The following ROS1 variants were observed in gnomAD, a reference collection of about 807,000 sequenced individuals.
ROS1 encodes ROS proto-oncogene 1, receptor tyrosine kinase, also known as proto-oncogene tyrosine-protein kinase ROS.
In ROS1, 263 loss-of-function variants were observed where a neutral mutation model predicts 273.5. The observed-to-expected ratio is 0.96, with a 90% CI of 0.87 to 1.06. The LOEUF is 1.06. Among genes scored for constraint, ROS1 ranks in the 50% least tolerant of loss-of-function variants. The pLI is 0.00. For missense variants in ROS1, 2,833 were observed against 2,751.1 expected (o/e 1.03, Z -0.67); for synonymous variants, 1,008 against 954.1 (o/e 1.06, Z -1.04).
chr6:117,418,503 G>A lies in ROS1; in HGVS notation c.127C>T (p.Gln43Ter). 1 of 1,599,824 alleles carries A rather than the reference G, an allele frequency of 6.3e-7. No individual in the cohort carries two copies. The highest frequency in any genetic ancestry group is 8.5e-7 in the Non-Finnish European group (1 of 1,174,848). ...TGTGGTGTGCCAAGGTCAAGCTGCT[G>A]GCCCTGAAATGAAGAAGGAGGTAGT... Reference protein sequence around the residue: ...CLKSCVTNLGQQLDLGTPHNL... With the variant: ...CLKSCVTNLG The change falls in exon 2 of 44, where the codon CAG becomes TAG. Residue 43 changes from glutamine to a stop codon, truncating the protein, a stop_gained. Coordinates refer to ENST00000368507, the MANE Select transcript of ROS1 (RefSeq NM_001378902.1). LOFTEE classifies it high-confidence loss of function.
rs530583944 is a variant in ROS1 at position 117,422,555 on chromosome 6, CTTA to C, written c.123+2976_123+2978del. On this transcript the variant is annotated intron_variant, in intron 1 of 43. Coordinates refer to ENST00000368507, the MANE Select transcript of ROS1 (RefSeq NM_001378902.1). Reference sequence around the variant, plus strand: ...TTTTATAAAATTTCTGAATTATGATCTTATTATATTATTTTGTTTTAATGTTAT... The same window carrying C: ...TTTTATAAAATTTCTGAATTATGATCTTATATTATTTTGTTTTAATGTTAT... Among the ~76,000 whole-genome samples the C allele has an allele frequency of 5.7e-3, 868 of 152,074 alleles. 7 individuals carry two copies. Among genetic ancestry groups the C allele is most frequent in the African/African-American group, 0.02 (819 of 41,492 alleles).
chr6:117,321,829 AT>A (rs11451804), intron 35 of ROS1, among the ~76,000 whole-genome samples: 1,759 of 122,948 alleles, frequency 0.014, 14 homozygotes, highest in African/African-American at 0.043. Context: ...TATAATGGCA[AT>A]TTTTTTTTTT....
intron 10 of ROS1, 64 bp downstream of exon 10, chr6:117,394,552 T>C (rs2128713368): frequency 7.2e-7 from 1 of 1,393,132 alleles, no homozygotes; most frequent in South Asian, 1.9e-5. Flanking sequence ...TCTTTTATTC[T>C]AGAAGTACTT....
intron 1 of ROS1, among the ~76,000 whole-genome samples, chr6:117,421,129 G>A (rs1775720882): frequency 6.7e-6 from 1 of 149,336 alleles, no homozygotes; most frequent in South Asian, 2.1e-4. Context: ...CTGTGAGGTT[G>A]AATATCTATC....
chr6:117,391,398 G>A (rs988757634), intron 12 of ROS1, among the ~76,000 whole-genome samples: 1 of 152,130 alleles, frequency 6.6e-6, no homozygotes, highest in Non-Finnish European at 1.5e-5. Flanking sequence ...AAATAGAAAA[G>A]GTGAAGAGAT....
At position 117,310,390 on chromosome 6, in the gene ROS1, T is replaced by C. The variant is rs567675185; in HGVS notation, c.6216-109A>G. The C allele has an allele frequency of 2.0e-3, 1,566 of 798,120 alleles. 12 individuals are homozygous for C. Among genetic ancestry groups the C allele is most frequent in the Admixed American group, 3.8e-3 (126 of 32,798 alleles). 49.4% of individuals were successfully genotyped at this position (798,120 alleles called of 1,614,324 possible). On this transcript the variant is annotated intron_variant, in intron 40 of 43. Transcript: ENST00000368507. ...TAAAGAAGAGAAACTATTTTTTTTT[T>C]TTTTACTTTAAGTTCTGGATTACAT...
chr6:117,381,052 G>T (rs1169516550), intron 17 of ROS1, among the ~76,000 whole-genome samples: 1 of 152,016 alleles, frequency 6.6e-6, no homozygotes, highest in African/African-American at 2.4e-5. Flanking sequence ...GATGCAAAAT[G>T]CATTGCCTTC....
chr6:117,423,303 A>C (rs1398370592), intron 1 of ROS1, among the ~76,000 whole-genome samples: 1 of 152,184 alleles, frequency 6.6e-6, no homozygotes, highest in Admixed American at 6.5e-5. Context: ...CCAATAACTT[A>C]TGGAAACATT....
At chr6:117,402,323 C>T (rs935294528) in intron 7 of ROS1, among the ~76,000 whole-genome samples, 9 of 152,254 alleles carry the variant, frequency 5.9e-5, no homozygotes, top group South Asian at 4.1e-4. Context: ...CTGCCTGAAA[C>T]TCTCTATGTG....
intron 17 of ROS1, among the ~76,000 whole-genome samples, chr6:117,379,855 T>G (rs765932724): frequency 1.3e-5 from 2 of 152,158 alleles, no homozygotes. Context: ...AGGATGTTTA[T>G]GTATTAAAAT....
chr6:117,386,193 T>C (rs1280522680), intron 15 of ROS1, among the ~76,000 whole-genome samples: 3 of 152,234 alleles, frequency 2.0e-5, no homozygotes, highest in African/African-American at 4.8e-5. Context: ...GGTGAGATCA[T>C]GTGTTCTGCC....
chr6:117,296,235 T>TAA (rs142073240), intron 43 of ROS1, among the ~76,000 whole-genome samples: 1 of 151,462 alleles, frequency 6.6e-6, no homozygotes, highest in African/African-American at 2.4e-5. Context: ...CAGTCTCTAC[T>TAA]AAAAAAAATA....
chr6:117,408,050 A>G (rs1257897530), intron 5 of ROS1, among the ~76,000 whole-genome samples: 1 of 152,070 alleles, frequency 6.6e-6, no homozygotes, highest in African/African-American at 2.4e-5. Flanking sequence ...TACACCTTAT[A>G]CAAAAATTAA....
At chr6:117,304,668 C>T (rs1436207539) in intron 42 of ROS1, among the ~76,000 whole-genome samples, 2 of 152,128 alleles carry the variant, frequency 1.3e-5, no homozygotes, top group Non-Finnish European at 2.9e-5. Flanking sequence ...GTATATGCTA[C>T]CTACCCATTA....
chr6:117,387,960 C>G lies in ROS1; in HGVS notation c.1819G>C (p.Val607Leu), dbSNP rs1357720968. The G allele has an allele frequency of 6.2e-7, 1 of 1,614,022 alleles. No individual in the cohort carries two copies. The highest frequency in any genetic ancestry group is 2.2e-5 in the East Asian group (1 of 44,890). ...PSAWQNWTYE[V>L]KVSTQDPPEV... Reference sequence around the variant, plus strand: ...GGAGGGTCTTGGGTGGATACTTTCACCTCATAGGTCCAGTTCTGCCAGGCA... The same window carrying G: ...GGAGGGTCTTGGGTGGATACTTTCAGCTCATAGGTCCAGTTCTGCCAGGCA... Residue 607 changes from valine (V) to leucine (L), a missense_variant, in exon 14 of 44, where the codon GTG (valine) becomes CTG (leucine). Transcript: ENST00000368507.
chr6:117,354,352 C>CA (rs111253368), intron 26 of ROS1, among the ~76,000 whole-genome samples: 3,111 of 132,318 alleles, frequency 0.024, 95 homozygotes, highest in African/African-American at 0.074. Context: ...GACCCTGTCT[C>CA]AAAAAAAAAA....
chr6:117,326,295 C>G lies in ROS1; in HGVS notation c.5468G>C (p.Arg1823Thr), dbSNP rs2128581835. The G allele has an allele frequency of 6.2e-7, 1 of 1,602,318 alleles. No homozygotes were observed. Reference sequence around the variant, plus strand: ...CCCTAGATTATTTGCAGCTACTACTCTGAACTGAAATATTCCTTTCAGGTT... The same window carrying G: ...CCCTAGATTATTTGCAGCTACTACTGTGAACTGAAATATTCCTTTCAGGTT... ...SKNLKGIFQF[R>T]VVAANNLGFG... The change falls in exon 34 of 44, where the codon AGA becomes ACA. Residue 1823 changes from arginine (R) to threonine (T), a missense_variant. Physicochemically the swap from Arg to Thr is moderately conservative, Grantham distance 71. Coordinates refer to ENST00000368507, the MANE Select transcript of ROS1 (RefSeq NM_001378902.1).
At position 117,362,815 on chromosome 6, in the gene ROS1, A is replaced by G. The variant is rs200648331; in HGVS notation, c.3154T>C (p.Cys1052Arg). 102 of 1,613,550 alleles carry G rather than the reference A, an allele frequency of 6.3e-5. 1 individual carries two copies. In the South Asian group the frequency reaches 9.9e-4, roughly 16 times the overall value. The change falls in exon 22 of 44, where the codon TGC becomes CGC. Residue 1052 changes from cysteine to arginine, a missense_variant. Coordinates refer to ENST00000368507, the MANE Select transcript of ROS1 (RefSeq NM_001378902.1). ...PRIFILPSGK[C>R]CNKNEVVVEF... ...ACCACAACTTCATTCTTGTTGCAGC[A>G]TTTTCCACTTGGTAATATAAATATT...
At chr6:117,362,057 A>G (rs1779844900) in intron 22 of ROS1, among the ~76,000 whole-genome samples, 1 of 152,174 alleles carries the variant, frequency 6.6e-6, no homozygotes, top group South Asian at 2.1e-4. Context: ...AAAAAATGTA[A>G]AACAAATCAG....
Sources: allele counts gnomAD v4.1 joint callset (sites outside exome capture counted in the v4.1 genomes callset), GRCh38; gene constraint gnomAD v4.1.1; transcripts MANE v1.5; gene names NCBI Gene and HGNC (gene_info 2026-07-23, HGNC 2026-07-21).